PLPPR1: variants seen among roughly 807,000 people sequenced by gnomAD.
PLPPR1 encodes the protein phospholipid phosphatase related 1.
Under a neutral mutation model 33.1 loss-of-function variants are expected in PLPPR1, and 10 were observed. The observed-to-expected ratio is 0.30, with a 90% CI of 0.19 to 0.51. PLPPR1 has a LOEUF of 0.51. PLPPR1 is among the 20% of genes least tolerant of loss of function. The pLI is 0.97. For missense variants in PLPPR1, 304 were observed against 408.1 expected, an observed-to-expected ratio of 0.74 and a Z score of 2.20; for synonymous variants, 151 against 151.0, an observed-to-expected ratio of 1.00 and a Z score of 0.00.
chr9:101,044,583 A>C (rs1322599117), intron 1 of PLPPR1, among the ~76,000 whole-genome samples: 1 of 152,220 alleles, frequency 6.6e-6, no homozygotes, highest in Non-Finnish European at 1.5e-5. Context: ...AAAATTCTGC[A>C]CAAGTACTCA....
chr9:101,212,807 G>C (rs988355068), intron 2 of PLPPR1, among the ~76,000 whole-genome samples: 2 of 152,184 alleles, frequency 1.3e-5, no homozygotes, highest in African/African-American at 2.4e-5. Flanking sequence ...ACAAGTGTAT[G>C]ATGATGTTGT....
intron 1 of PLPPR1, among the ~76,000 whole-genome samples, chr9:101,081,438 C>A (rs571433632): frequency 6.6e-6 from 1 of 152,210 alleles, no homozygotes; most frequent in African/African-American, 2.4e-5. Context: ...CATGATCCAC[C>A]CACCTCAGCC....
intron 1 of PLPPR1, among the ~76,000 whole-genome samples, chr9:101,141,734 A>G (rs1327982103): frequency 6.6e-6 from 1 of 152,188 alleles, no homozygotes; most frequent in East Asian, 1.9e-4. Context: ...GACGTAAAGA[A>G]GTATGTGAGT....
Position 101,057,845 on chromosome 9 carries a change from C to G in PLPPR1, c.-46+28743C>G, listed in dbSNP as rs142695333. On this transcript the variant is annotated intron_variant, in intron 1 of 7. Coordinates refer to ENST00000374874, the MANE Select transcript of PLPPR1 (RefSeq NM_207299.2). ...GCCCACATTGCATCTACCTTTATAA[C>G]CAAGCACATTTGTGTACACCTGAGA... is the stretch of plus-strand genomic sequence containing the variant. Among the ~76,000 whole-genome samples, 656 of 152,248 alleles carry G rather than the reference C, an allele frequency of 4.3e-3. 7 individuals are homozygous for G. Among genetic ancestry groups the G allele is most frequent in the African/African-American group, 0.015 (608 of 41,544 alleles).
At chr9:101,181,875 CAT>C (rs1196332194) in intron 1 of PLPPR1, among the ~76,000 whole-genome samples, 1 of 148,352 alleles carries the variant, frequency 6.7e-6, no homozygotes, top group Non-Finnish European at 1.5e-5. Context: ...TATACACACA[CAT>C]ATATATACAC....
intron 1 of PLPPR1, among the ~76,000 whole-genome samples, chr9:101,074,642 A>G (rs926842491): frequency 3.3e-5 from 5 of 152,172 alleles, no homozygotes; most frequent in African/African-American, 1.2e-4. Flanking sequence ...TTTGGTTGCT[A>G]TGTTGGTCAT....
chr9:101,262,379 G>A (rs2118882243), intron 2 of PLPPR1, among the ~76,000 whole-genome samples: 1 of 152,262 alleles, frequency 6.6e-6, no homozygotes, highest in East Asian at 1.9e-4. Context: ...TTCAACTGCA[G>A]CTGAATCATA....
intron 1 of PLPPR1, among the ~76,000 whole-genome samples, chr9:101,079,350 T>C (rs534186298): frequency 2.6e-5 from 4 of 152,320 alleles, no homozygotes; most frequent in Non-Finnish European, 5.9e-5. Context: ...AATTTACTCC[T>C]TTGTTTTGCT....
At chr9:101,210,770 G>C (rs1367304013) in intron 2 of PLPPR1, among the ~76,000 whole-genome samples, 1 of 151,970 alleles carries the variant, frequency 6.6e-6, no homozygotes, top group East Asian at 1.9e-4. Flanking sequence ...GTTTTGTTTT[G>C]TTTTGTTTTG....
intron 2 of PLPPR1, among the ~76,000 whole-genome samples, chr9:101,266,601 C>T (rs1828003880): frequency 6.6e-6 from 1 of 152,056 alleles, no homozygotes. Context: ...TTCTTTATGT[C>T]CTGCAAATTT....
intron 2 of PLPPR1, among the ~76,000 whole-genome samples, chr9:101,258,283 T>C (rs1827837420): frequency 6.6e-6 from 1 of 152,198 alleles, no homozygotes; most frequent in Admixed American, 6.5e-5. Flanking sequence ...CCATCCTTCC[T>C]TCCATCTTTC....
At chr9:101,148,389 C>T (rs1352944525) in intron 1 of PLPPR1, among the ~76,000 whole-genome samples, 1 of 152,138 alleles carries the variant, frequency 6.6e-6, no homozygotes, top group African/African-American at 2.4e-5. Context: ...GCTAGCAGCT[C>T]CCAAGTAATC....
chr9:101,197,689 TA>T (rs1440563337), intron 2 of PLPPR1, among the ~76,000 whole-genome samples: 1 of 152,226 alleles, frequency 6.6e-6, no homozygotes, highest in Non-Finnish European at 1.5e-5. Flanking sequence ...GTGTTGGGAT[TA>T]AAAACACATT....
intron 1 of PLPPR1, among the ~76,000 whole-genome samples, chr9:101,110,103 AAT>A (rs1267335261): frequency 6.6e-6 from 1 of 152,232 alleles, no homozygotes; most frequent in Non-Finnish European, 1.5e-5. Flanking sequence ...ATGTAAAGTG[AAT>A]AATATAAATT....
chr9:101,206,521 T>G (rs575526357), intron 2 of PLPPR1, among the ~76,000 whole-genome samples: 1 of 152,212 alleles, frequency 6.6e-6, no homozygotes, highest in Non-Finnish European at 1.5e-5. Context: ...TTTTCTGTTC[T>G]GTGCTTTTGA....
intron 7 of PLPPR1, among the ~76,000 whole-genome samples, chr9:101,321,673 T>C (rs1829152494): frequency 6.6e-6 from 1 of 151,324 alleles, no homozygotes; most frequent in Admixed American, 6.6e-5. Context: ...GAAACAACTG[T>C]GTTAACTCAC....
chr9:101,169,176 G>T (rs1825902982), intron 1 of PLPPR1, among the ~76,000 whole-genome samples: 1 of 152,042 alleles, frequency 6.6e-6, no homozygotes, highest in African/African-American at 2.4e-5. Flanking sequence ...CCCTTTTGGG[G>T]TGTGTGTGTC....
chr9:101,182,670 C>T (rs1257356538), intron 1 of PLPPR1, among the ~76,000 whole-genome samples: 1 of 151,488 alleles, frequency 6.6e-6, no homozygotes, highest in Non-Finnish European at 1.5e-5. Context: ...GTGTGAATTT[C>T]ACCTCAATCA....
chr9:101,204,294 A>T (rs1038093624), intron 2 of PLPPR1, among the ~76,000 whole-genome samples: 3 of 152,158 alleles, frequency 2.0e-5, no homozygotes, highest in African/African-American at 7.2e-5. Context: ...TTTATGTCAC[A>T]CTATGAATAA....
Sources: gnomAD v4.1 joint callset for allele counts (sites outside exome capture counted in the v4.1 genomes callset) on GRCh38, gnomAD v4.1.1 for gene constraint, MANE v1.5 for transcripts, NCBI Gene and HGNC (gene_info 2026-07-23, HGNC 2026-07-21) for gene names.